The following EP400 variants were observed in gnomAD, a reference collection of about 807,000 sequenced individuals.
EP400 encodes the protein E1A-binding protein p400.
EP400 carries 105 observed loss-of-function variants against 354.1 expected under a neutral mutation model. That is an observed-to-expected ratio of 0.30 (90% confidence interval 0.25 to 0.35). The LOEUF (loss-of-function observed/expected upper bound fraction) is 0.35, where lower values mean the gene tolerates loss of function less well. EP400 is among the 10% of genes least tolerant of loss of function. EP400 has a pLI of 1.00. For synonymous variants in EP400, 1,646 were observed against 1,716.9 expected (o/e 0.96, Z 1.02); for missense variants, 3,280 against 4,121.0 (o/e 0.80, Z 5.59).
Position 132,052,836 on chromosome 12 carries a change from G to A in EP400, c.7395-310G>A, listed in dbSNP as rs1895347364. On this transcript the variant is annotated intron_variant, in intron 41 of 52. Coordinates refer to ENST00000389561, the MANE Select transcript of EP400 (RefSeq NM_015409.5). The surrounding 1 kb of genome is among the most constrained non-coding windows in gnomAD (Gnocchi z 4.4). Reference sequence around the variant, plus strand: ...AAGGAACAGACAGAGATTTTCCCAAGTACAGTGCAGACACATGAGGTGGGC... The same window carrying A: ...AAGGAACAGACAGAGATTTTCCCAAATACAGTGCAGACACATGAGGTGGGC... Among the ~76,000 whole-genome samples, 1 of 152,176 alleles carries A rather than the reference G, an allele frequency of 6.6e-6. No individual in the cohort carries two copies. The highest frequency in any genetic ancestry group is 1.5e-5 in the Non-Finnish European group (1 of 68,020).
chr12:131,954,181 C>A (rs1228618821), intron 1 of EP400, among the ~76,000 whole-genome samples: 1 of 151,718 alleles, frequency 6.6e-6, no homozygotes, highest in Non-Finnish European at 1.5e-5. Context: ...AAACATTTTA[C>A]CATACCTGCT....
At position 132,038,132 on chromosome 12, in the gene EP400, G is replaced by A. The variant is rs779389350; in HGVS notation, c.6207+36G>A. The stretch of plus-strand genomic sequence containing the variant: ...ATTGAATCTGGCTGAAGAGTTGCAC[G>A]GTGGGAGCCGGCGGAACACCTGCAC... On this transcript the variant is annotated intron_variant, in intron 32 of 52. Coordinates refer to ENST00000389561, the MANE Select transcript of EP400 (RefSeq NM_015409.5). This position sits in a 1 kb window ranked among gnomAD's most constrained non-coding sequence, Gnocchi z 4.2. 9 of 1,611,812 alleles carry A rather than the reference G, an allele frequency of 5.6e-6. No individual in the cohort carries two copies. In the African/African-American group the frequency reaches 6.7e-5, roughly 12 times the overall value.
At chr12:131,979,609 T>C in intron 2 of EP400, 85 bp from the exon 3 acceptor site, 2 of 1,195,586 alleles carry the variant, frequency 1.7e-6, no homozygotes, top group Non-Finnish European at 2.3e-6. Context: ...AGGAGGTCGA[T>C]GTTTGGGATA....
In EP400 at chr12:132,014,027, G is replaced by T. The variant is rs1893845195; in HGVS notation, c.3923+114G>T. ...TTTCCGCAAGGATTGGGTGTCTGGAGCTGGAGACCGAGGCACCCTCCTGGG... is the reference window on the plus strand; with the variant it reads ...TTTCCGCAAGGATTGGGTGTCTGGATCTGGAGACCGAGGCACCCTCCTGGG... On this transcript the variant is annotated intron_variant, in intron 19 of 52. Coordinates refer to ENST00000389561, the MANE Select transcript of EP400 (RefSeq NM_015409.5). 3.5e-6 allele frequency: 5 copies of T among 1,437,798 alleles called. No individual in the cohort carries two copies. In the Middle Eastern group the frequency reaches 6.0e-4, roughly 173 times the overall value. The allele number at this position is 1,437,798 out of a possible 1,614,324, so 89.1% of individuals were successfully genotyped here.
In EP400 at chr12:131,986,717, A is replaced by T. The variant is rs771973332; in HGVS notation, c.2133A>T (p.Ala711=). The change falls in exon 6 of 53, where the codon GCA becomes GCT. Residue 711 remains alanine (A), a synonymous_variant. Transcript: ENST00000389561. ...PVTSRTPGVV[A]SAPTKPQSPA... ...CTTCCCGGACCCCAGGGGTGGTGGC[A>T]TCTGCCCCCACCAAACCACAGAGTC... 2.5e-6 allele frequency: 4 copies of T among 1,614,206 alleles called. No individual in the cohort carries two copies. The Admixed American group carries it at 5.0e-5, about 20-fold the overall frequency.
At chr12:132,040,763 A>G (rs1894872873) in intron 32 of EP400, among the ~76,000 whole-genome samples, 1 of 152,174 alleles carries the variant, frequency 6.6e-6, no homozygotes, top group Admixed American at 6.5e-5. Flanking sequence ...CAGACAGGTT[A>G]GTGTGGCTGA....
rs1177736928 is a variant in EP400, at chr12:132,052,617, C to G, written c.7395-529C>G. On this transcript the variant is annotated intron_variant, in intron 41 of 52. Coordinates refer to ENST00000389561, the MANE Select transcript of EP400 (RefSeq NM_015409.5). The surrounding 1 kb of genome is among the most constrained non-coding windows in gnomAD (Gnocchi z 4.4). ...GATGTGAGTGCTGTGATCGCTGGGA[C>G]TCTAGCGTCTGGGAGCACAGACCCA... 6.6e-6 allele frequency among the ~76,000 whole-genome samples: 1 copy of G among 152,224 alleles called. No individual in the cohort carries two copies. The highest frequency in any genetic ancestry group is 2.4e-5 in the African/African-American group (1 of 41,462).
rs761804543 is a variant in EP400, at chr12:132,064,764, G to C, written c.8431G>C (p.Val2811Leu). 1.2e-6 allele frequency: 2 copies of C among 1,613,624 alleles called. No homozygotes were observed. The highest frequency in any genetic ancestry group is 2.7e-5 in the African/African-American group (2 of 75,046). Residue 2811 changes from valine to leucine, a missense_variant, in exon 48 of 53, where the codon GTG (valine) becomes CTG (leucine). Transcript: ENST00000389561. Reference protein sequence around the residue: ...QSAPPQPTAQVQVQTSQPPQQ... With the variant: ...QSAPPQPTAQLQVQTSQPPQQ... ...TGCGCCCCCGCAGCCAACAGCCCAA[G>C]TGCAAGTGCAGACCTCGCAGCCGCC...
intron 1 of EP400, among the ~76,000 whole-genome samples, chr12:131,959,469 C>G (rs1891806658): frequency 6.6e-6 from 1 of 152,198 alleles, no homozygotes; most frequent in Admixed American, 6.5e-5. Context: ...TGTCTCACCA[C>G]AGGATTACCC....
chr12:132,044,078 A>G, intron 34 of EP400, 99 bp from the exon 35 acceptor site: 2 of 1,515,752 alleles, frequency 1.3e-6, no homozygotes, highest in Non-Finnish European at 1.8e-6. Context: ...TGTAGAGAAC[A>G]TGTGGCTCTG....
chr12:131,988,971 CAG>C (rs1029141106), intron 7 of EP400, among the ~76,000 whole-genome samples: 2 of 152,204 alleles, frequency 1.3e-5, no homozygotes, highest in Admixed American at 1.3e-4. Context: ...GGTCTCAAGT[CAG>C]ATTCATAAGC....
Position 132,013,377 on chromosome 12 carries a change from A to C in EP400, c.3612-113A>C. 2 of 1,423,924 alleles carry C rather than the reference A, an allele frequency of 1.4e-6. No homozygotes were observed. Among genetic ancestry groups the C allele is most frequent in the South Asian group, 2.8e-5 (2 of 72,120 alleles). 88.2% of individuals were successfully genotyped at this position (1,423,924 alleles called of 1,614,324 possible). ...CCCCTTTTCAGGCATGTGCACGTTG[A>C]CATTTGCGGTGTCAAATTACTGTCC... On this transcript the variant is annotated intron_variant, in intron 17 of 52. Coordinates refer to ENST00000389561, the MANE Select transcript of EP400 (RefSeq NM_015409.5). This position sits in a 1 kb window ranked among gnomAD's most constrained non-coding sequence, Gnocchi z 4.5.
In EP400 at chr12:131,986,572, C is replaced by T. The variant is rs767887727; in HGVS notation, c.1988C>T (p.Pro663Leu). ...GCCCCGCCCTGCCCACGGCCTCTGC[C>T]CACCTCTTCTACCTCGTCCCTCGCG... ...DPAPPCPRPLPTSSTSSLAPV... is the reference protein window; with the variant it reads ...DPAPPCPRPLLTSSTSSLAPV... The change falls in exon 6 of 53, where the codon CCC becomes CTC. Residue 663 changes from proline to leucine, a missense_variant. Pro to Leu is a moderately conservative substitution (Grantham distance 98). Around this residue, in one of 20 missense-constraint regions of EP400, gnomAD observed 800 missense variants for 840.0 expected, o/e 0.95. Transcript: ENST00000389561. 1.2e-5 allele frequency: 20 copies of T among 1,613,926 alleles called. No individual in the cohort carries two copies. In the African/African-American group the frequency reaches 2.7e-4, roughly 22 times the overall value.
chr12:132,028,568 G>T (rs1894383603), intron 27 of EP400, among the ~76,000 whole-genome samples: 1 of 152,220 alleles, frequency 6.6e-6, no homozygotes, highest in African/African-American at 2.4e-5. Context: ...ACAGATCACT[G>T]TGTTGCTAAG....
intron 51 of EP400, among the ~76,000 whole-genome samples, chr12:132,071,756 C>T (rs1896074908): frequency 6.6e-6 from 1 of 152,200 alleles, no homozygotes; most frequent in Non-Finnish European, 1.5e-5. Flanking sequence ...TCTGCACTTG[C>T]TCCTCTGCAC....
rs1483281541 is a variant in EP400 at position 131,992,259 on chromosome 12, C to T, written c.2737+29C>T. ...TGTTCCCCCTCAGCACTATCTTTGT[C>T]ATCTCCAGGGCTGCTGATGAGATGA... On this transcript the variant is annotated intron_variant, in intron 11 of 52. Transcript: ENST00000389561. The T allele has an allele frequency of 1.9e-6, 3 of 1,598,146 alleles. No homozygotes were observed. In the Admixed American group the frequency reaches 5.1e-5, roughly 27 times the overall value.
intron 2 of EP400, among the ~76,000 whole-genome samples, chr12:131,968,925 A>G (rs1293141680): frequency 6.6e-6 from 1 of 152,128 alleles, no homozygotes; most frequent in Non-Finnish European, 1.5e-5. Flanking sequence ...AAACTCATTT[A>G]TTAGTTTTAG....
In EP400 at chr12:132,028,078, G is replaced by A. The variant is rs1201729424; in HGVS notation, c.5171G>A (p.Arg1724His). ...CAGATTTATTTAGTCAACGAGCGGCGCTGTTCTCAAGCTCCAGTCTATGGC... is the reference window on the plus strand; with the variant it reads ...CAGATTTATTTAGTCAACGAGCGGCACTGTTCTCAAGCTCCAGTCTATGGC... ...LDQIYLVNER[R>H]CSQAPVYGRD... The change falls in exon 27 of 53, where the codon CGC (arginine) becomes CAC (histidine). Residue 1724 changes from arginine (R) to histidine (H), a missense_variant. Physicochemically the swap from Arg to His is conservative, Grantham distance 29. Coordinates refer to ENST00000389561, the MANE Select transcript of EP400 (RefSeq NM_015409.5). 10 of 1,614,178 alleles carry A rather than the reference G, an allele frequency of 6.2e-6. No homozygotes were observed. Among genetic ancestry groups the A allele is most frequent in the East Asian group, 2.2e-5 (1 of 44,888 alleles).
In EP400 at chr12:132,073,228, CTT is replaced by C. The variant is rs56108246; in HGVS notation, c.9022-3272_9022-3271del. Among the ~76,000 whole-genome samples the C allele has an allele frequency of 3.4e-3, 432 of 125,452 alleles. 3 individuals are homozygous for C. The highest frequency in any genetic ancestry group is 0.016 in the East Asian group (69 of 4,438). 82.3% of individuals were successfully genotyped at this position (125,452 alleles called of 152,430 possible). A position where few individuals can be genotyped will look rare whatever the true frequency, so the allele number is the denominator to read the frequency against. ...CTTGCCTTCTTTTGGGCCACCTTCT[CTT>C]TTTTTTTTTTTTTTTATCAATTCTC... On this transcript the variant is annotated intron_variant, in intron 51 of 52. Coordinates refer to ENST00000389561, the MANE Select transcript of EP400 (RefSeq NM_015409.5).
Sources: gnomAD v4.1 joint callset for allele counts (sites outside exome capture counted in the v4.1 genomes callset) on GRCh38, gnomAD v4.1.1 for gene constraint, gnomAD v4.1.1 regional missense constraint, Gnocchi (gnomAD v3.1) non-coding constraint, MANE v1.5 for transcripts, NCBI Gene and HGNC (gene_info 2026-07-23, HGNC 2026-07-21) for gene names.